TGIF1: variants seen among roughly 807,000 people sequenced by gnomAD.
TGIF1 encodes the protein TGFB induced factor homeobox 1.
TGIF1 carries 4 observed loss-of-function variants against 19.3 expected under a neutral mutation model. The observed-to-expected ratio is 0.21, with a 90% confidence interval of 0.10 to 0.47. The LOEUF (loss-of-function observed/expected upper bound fraction) is 0.47, where lower values mean the gene tolerates loss of function less well. Ranked by LOEUF, TGIF1 falls within the 20% of genes least tolerant of loss-of-function variation. The pLI is 0.98. For synonymous variants in TGIF1, 122 were observed against 129.3 expected, an observed-to-expected ratio of 0.94 and a Z score of 0.38; for missense variants, 275 against 341.4, an observed-to-expected ratio of 0.81 and a Z score of 1.53.
intron 1 of TGIF1, 73 bp downstream of exon 1, chr18:3,450,578 C>T: frequency 2.6e-6 from 4 of 1,548,858 alleles, no homozygotes; most frequent in Non-Finnish European, 3.5e-6. Flanking sequence ...CCGCGCCGCG[C>T]GGAGTCACTT....
chr18:3,453,903 T>C (rs1040524626), intron 1 of TGIF1: 37 of 932,140 alleles, frequency 4.0e-5, no homozygotes, highest in Non-Finnish European at 4.2e-5. Flanking sequence ...CGGGAAACTT[T>C]TCAAAAGCGC....
intron 1 of TGIF1, chr18:3,415,512 A>G: frequency 4.4e-6 from 2 of 453,874 alleles, no homozygotes; most frequent in Admixed American, 2.3e-5. Flanking sequence ...CCCAGAAGAC[A>G]GCAATGGTGC....
intron 2 of TGIF1, among the ~76,000 whole-genome samples, chr18:3,423,582 C>T (rs1362197867): frequency 6.6e-6 from 1 of 152,062 alleles, no homozygotes; most frequent in African/African-American, 2.4e-5. Context: ...TCAGGAGCTA[C>T]TGAGGCAGGA....
chr18:3,422,045 T>C (rs577626547), intron 2 of TGIF1, among the ~76,000 whole-genome samples: 1 of 151,658 alleles, frequency 6.6e-6, no homozygotes, highest in East Asian at 1.9e-4. Flanking sequence ...AATACAAAAA[T>C]TAATTGGGCG....
upstream of TGIF1, chr18:3,447,767 T>C (rs750112823): frequency 6.2e-6 from 10 of 1,614,086 alleles, no homozygotes; most frequent in East Asian, 1.1e-4. Flanking sequence ...AAGTTGTGCA[T>C]TGGCCCGATC....
At chr18:3,419,741 C>T (rs761568967) in intron 2 of TGIF1, among the ~76,000 whole-genome samples, 3 of 152,228 alleles carry the variant, frequency 2.0e-5, no homozygotes, top group Non-Finnish European at 4.4e-5. Flanking sequence ...CACGGTGGCT[C>T]ACGCCTGTAA....
In TGIF1 at chr18:3,457,296, T is replaced by C. The variant is rs948563476; in HGVS notation, c.244-69T>C. 5.3e-5 allele frequency: 79 copies of C among 1,493,700 alleles called. No individual in the cohort carries two copies. The highest frequency in any genetic ancestry group is 1.7e-4 in the Middle Eastern group (1 of 5,850). 92.5% of individuals were successfully genotyped at this position (1,493,700 alleles called of 1,614,324 possible). On this transcript the variant is annotated intron_variant, in intron 2 of 2. Coordinates refer to ENST00000343820, the MANE Select transcript of TGIF1 (RefSeq NM_003244.4). The surrounding 1 kb of genome is among the most constrained non-coding windows in gnomAD (Gnocchi z 4.9). ...AGAGCAAGATCAATTAGGTACCCCA[T>C]AGAACATTCTCAGAACCCGTTGGCT... is the stretch of plus-strand genomic sequence containing the variant.
intron 2 of TGIF1, among the ~76,000 whole-genome samples, chr18:3,441,330 T>G (rs908846380): frequency 6.6e-6 from 1 of 152,260 alleles, no homozygotes; most frequent in Non-Finnish European, 1.5e-5. Context: ...TTCTTGATTT[T>G]GTGCTCTGGT....
In TGIF1 at chr18:3,437,975, T is replaced by C. The variant is rs375434833; in HGVS notation, c.-44-18379T>C. On this transcript the variant is annotated intron_variant, in intron 2 of 3. Coordinates refer to the TGIF1 transcript ENST00000401449. The stretch of plus-strand genomic sequence containing the variant: ...GGTGCACGCTTGTAATCCCAGCCAC[T>C]TGGGAGACTGAGGCAGGAGAATCGC... Among the ~76,000 whole-genome samples the C allele has an allele frequency of 1.3e-4, 20 of 152,124 alleles. No homozygotes were observed. The East Asian group carries it at 3.7e-3, about 28-fold the overall frequency.
chr18:3,433,196 C>T (rs2082572680), intron 2 of TGIF1, among the ~76,000 whole-genome samples: 1 of 151,984 alleles, frequency 6.6e-6, no homozygotes, highest in African/African-American at 2.4e-5. Context: ...GCTTCAGCCT[C>T]CCAAGTAGCT....
chr18:3,419,531 T>C (rs776355731), intron 2 of TGIF1, among the ~76,000 whole-genome samples: 18 of 152,264 alleles, frequency 1.2e-4, no homozygotes, highest in Non-Finnish European at 2.1e-4. Context: ...TGGTTTTTTC[T>C]ATCCTTTCTT....
At chr18:3,417,447 A>G (rs1048333009) in intron 1 of TGIF1, among the ~76,000 whole-genome samples, 1 of 152,164 alleles carries the variant, frequency 6.6e-6, no homozygotes, top group Non-Finnish European at 1.5e-5. Flanking sequence ...GGCATGAGCC[A>G]CCGTGCCTAC....
At position 3,457,832 on chromosome 18, in the gene TGIF1, C is replaced by A. The variant is rs141303152; in HGVS notation, c.711C>A (p.Pro237=). The change falls in exon 3 of 3, where the codon CCC becomes CCA. Residue 237 remains proline, a synonymous_variant. Coordinates refer to ENST00000343820, the MANE Select transcript of TGIF1 (RefSeq NM_003244.4). This position sits in a 1 kb window ranked among gnomAD's most constrained non-coding sequence, Gnocchi z 4.9. ...NTQSGLFNTP[P]PTPPDLNQDF... ...AGAGTGGTCTTTTCAACACTCCTCC[C>A]CCTACTCCACCGGACCTCAACCAGG... 207 of 1,611,704 alleles carry A rather than the reference C, an allele frequency of 1.3e-4. No individual in the cohort carries two copies. The highest frequency in any genetic ancestry group is 1.6e-4 in the Non-Finnish European group (187 of 1,180,006).
At chr18:3,427,480 C>T (rs1018283628) in intron 2 of TGIF1, among the ~76,000 whole-genome samples, 2 of 124,002 alleles carry the variant, frequency 1.6e-5, no homozygotes, top group Admixed American at 7.9e-5. Flanking sequence ...TTAGTAGAGA[C>T]GGGGTTTCCC....
At chr18:3,429,832 G>A (rs1418791116) in intron 2 of TGIF1, among the ~76,000 whole-genome samples, 1 of 152,230 alleles carries the variant, frequency 6.6e-6, no homozygotes, top group African/African-American at 2.4e-5. Flanking sequence ...GTGTTTTAGT[G>A]TTGTCAAAGA....
At chr18:3,443,707 A>T (rs1385149542) in intron 2 of TGIF1, among the ~76,000 whole-genome samples, 4 of 151,654 alleles carry the variant, frequency 2.6e-5, no homozygotes, top group Admixed American at 6.6e-5. Flanking sequence ...CTTGAAATTC[A>T]CTTGAATTCA....
intron 2 of TGIF1, among the ~76,000 whole-genome samples, chr18:3,439,035 A>G (rs182368797): frequency 3.3e-4 from 51 of 152,304 alleles, no homozygotes; most frequent in African/African-American, 1.2e-3. Context: ...TAGACCGAGG[A>G]ATAAGGAGTT....
At chr18:3,446,702 A>G (rs935683802), upstream of TGIF1, among the ~76,000 whole-genome samples, 1 of 152,206 alleles carries the variant, frequency 6.6e-6, no homozygotes, top group Non-Finnish European at 1.5e-5. Flanking sequence ...GCTCTAGGCC[A>G]CCCCAGGTTC....
intron 2 of TGIF1, among the ~76,000 whole-genome samples, chr18:3,424,065 G>C (rs1386345708): frequency 6.6e-6 from 1 of 152,162 alleles, no homozygotes. Flanking sequence ...GTGACACAGA[G>C]ACAAGTCAAA....
Sources: allele counts gnomAD v4.1 joint callset (sites outside exome capture counted in the v4.1 genomes callset), GRCh38; gene constraint gnomAD v4.1.1; non-coding constraint Gnocchi (gnomAD v3.1); transcripts MANE v1.5; gene names NCBI Gene and HGNC (gene_info 2026-07-23, HGNC 2026-07-21).